CAMK1D: variants seen among roughly 807,000 people sequenced by gnomAD.
CAMK1D encodes calcium/calmodulin dependent protein kinase ID, also known as calcium/calmodulin-dependent protein kinase type 1D.
Under a neutral mutation model 47.7 loss-of-function variants are expected in CAMK1D, and 9 were observed. That is an observed-to-expected ratio of 0.19 (90% CI 0.11 to 0.33). The LOEUF (loss-of-function observed/expected upper bound fraction) is 0.33. Among genes scored for constraint, CAMK1D ranks in the 10% least tolerant of loss-of-function variants. The probability of loss-of-function intolerance (pLI) is 1.00; values close to 1 mark genes in which losing one functional copy is unlikely to be tolerated. For missense variants in CAMK1D, 291 were observed against 488.7 expected (o/e 0.60, Z 3.81); for synonymous variants, 184 against 184.9 (o/e 0.99, Z 0.04).
intron 1 of CAMK1D, among the ~76,000 whole-genome samples, chr10:12,450,183 A>G (rs1451194197): frequency 6.6e-6 from 1 of 152,078 alleles, no homozygotes; most frequent in Non-Finnish European, 1.5e-5. Flanking sequence ...GAAGGAAGGA[A>G]GAAGGAAGTT....
At chr10:12,358,612 A>T (rs141412062) in intron 1 of CAMK1D, among the ~76,000 whole-genome samples, 2 of 152,268 alleles carry the variant, frequency 1.3e-5, no homozygotes, top group Admixed American at 1.3e-4. Context: ...TTGATAGGGT[A>T]TATTTGCTGA....
chr10:12,618,294 T>A (rs572724999), intron 2 of CAMK1D, among the ~76,000 whole-genome samples: 2 of 152,364 alleles, frequency 1.3e-5, no homozygotes, highest in East Asian at 3.9e-4. Flanking sequence ...ATGTTTGTAT[T>A]TTTAATTTAC....
At position 12,598,172 on chromosome 10, in the gene CAMK1D, G is replaced by A. The variant is rs568419424; in HGVS notation, c.224+44816G>A. On this transcript the variant is annotated intron_variant, in intron 2 of 10. Transcript: ENST00000619168. The stretch of plus-strand genomic sequence containing the variant: ...TGATTTTCAGTGTTGCCACGGGAAA[G>A]CAATAGCAGAACCTGGGTCCCTGCT... Among the ~76,000 whole-genome samples the A allele has an allele frequency of 3.9e-5, 6 of 152,346 alleles. No individual in the cohort carries two copies. The South Asian group carries it at 1.0e-3, about 26-fold the overall frequency.
At chr10:12,528,736 CTTTTT>C (rs34250007) in intron 1 of CAMK1D, among the ~76,000 whole-genome samples, 1 of 137,910 alleles carries the variant, frequency 7.3e-6, no homozygotes, top group African/African-American at 2.7e-5. Flanking sequence ...AAATCCTCAT[CTTTTT>C]TTTTTTTTTT....
chr10:12,732,662 T>A (rs1588860947), intron 3 of CAMK1D, among the ~76,000 whole-genome samples: 2 of 133,944 alleles, frequency 1.5e-5, no homozygotes, highest in East Asian at 2.6e-4. Flanking sequence ...CATTATTCAA[T>A]TACCCCCGCC....
At chr10:12,406,151 C>G (rs1051828831) in intron 1 of CAMK1D, among the ~76,000 whole-genome samples, 3 of 152,130 alleles carry the variant, frequency 2.0e-5, no homozygotes, top group Non-Finnish European at 4.4e-5. Flanking sequence ...ATTGGCACCA[C>G]AGCCAAGATG....
intron 2 of CAMK1D, among the ~76,000 whole-genome samples, chr10:12,617,567 C>T (rs1252311013): frequency 6.6e-6 from 1 of 152,118 alleles, no homozygotes; most frequent in Non-Finnish European, 1.5e-5. Flanking sequence ...TTCGGGGGAG[C>T]CGTTTCTTCT....
At position 12,408,851 on chromosome 10, in the gene CAMK1D, T is replaced by TC. The variant is rs199693593; in HGVS notation, c.92+58941_92+58942insC. 3.3e-4 allele frequency among the ~76,000 whole-genome samples: 33 copies of TC among 100,704 alleles called. No individual in the cohort carries two copies. In the South Asian group the frequency reaches 3.4e-3, roughly 10 times the overall value. 66.1% of individuals were successfully genotyped at this position (100,704 alleles called of 152,430 possible). Reference sequence around the variant, plus strand: ...TCGTTCATTTCTTTCTTTCTTTCTTTTTTTTTTTTTTTTTTGTTCTGAGTC... The same window carrying TC: ...TCGTTCATTTCTTTCTTTCTTTCTTTCTTTTTTTTTTTTTTTGTTCTGAGTC... On this transcript the variant is annotated intron_variant, in intron 1 of 10. Transcript: ENST00000619168.
intron 1 of CAMK1D, among the ~76,000 whole-genome samples, chr10:12,479,140 A>G (rs1207786438): frequency 6.6e-6 from 1 of 152,192 alleles, no homozygotes; most frequent in Non-Finnish European, 1.5e-5. Context: ...GGCCCTGCCC[A>G]CGGCGCTGCT....
chr10:12,543,981 T>G (rs1369500977), intron 1 of CAMK1D, among the ~76,000 whole-genome samples: 1 of 152,224 alleles, frequency 6.6e-6, no homozygotes, highest in African/African-American at 2.4e-5. Flanking sequence ...CTTTCATCAC[T>G]ATGGAAAATG....
intron 1 of CAMK1D, among the ~76,000 whole-genome samples, chr10:12,550,293 A>G (rs1475372574): frequency 6.6e-6 from 1 of 152,268 alleles, no homozygotes; most frequent in Non-Finnish European, 1.5e-5. Context: ...TTTATCTGGT[A>G]TAAAACCACC....
Position 12,646,034 on chromosome 10 carries a change from T to G in CAMK1D, c.225-20702T>G, listed in dbSNP as rs560565292. Among the ~76,000 whole-genome samples the G allele has an allele frequency of 2.6e-5, 4 of 151,914 alleles. 1 individual carries two copies. The East Asian group carries it at 7.8e-4, about 30-fold the overall frequency. On this transcript the variant is annotated intron_variant, in intron 2 of 10. Coordinates refer to ENST00000619168, the MANE Select transcript of CAMK1D (RefSeq NM_153498.4). ...AGTATTTCTGTTTAGAATCTTCCAC[T>G]GAACAGAAAATAAATTGCTATGGGA... is the stretch of plus-strand genomic sequence containing the variant.
chr10:12,586,222 T>C (rs1837812943), intron 2 of CAMK1D, among the ~76,000 whole-genome samples: 1 of 152,078 alleles, frequency 6.6e-6, no homozygotes, highest in African/African-American at 2.4e-5. Context: ...TTCTATTCTG[T>C]TTCTTAGTAA....
chr10:12,643,678 G>C (rs1014913651), intron 2 of CAMK1D, among the ~76,000 whole-genome samples: 1 of 152,078 alleles, frequency 6.6e-6, no homozygotes, highest in Non-Finnish European at 1.5e-5. Context: ...GAGGTCAGGA[G>C]TTCAAGGCCA....
At chr10:12,752,018 G>C (rs1274229058) in intron 3 of CAMK1D, among the ~76,000 whole-genome samples, 1 of 147,666 alleles carries the variant, frequency 6.8e-6, no homozygotes, top group Non-Finnish European at 1.5e-5. Context: ...GTCTTGCTCT[G>C]TCACCCGGGC....
intron 2 of CAMK1D, among the ~76,000 whole-genome samples, chr10:12,647,650 T>C (rs968230244): frequency 3.3e-5 from 5 of 152,178 alleles, no homozygotes; most frequent in Non-Finnish European, 7.3e-5. Flanking sequence ...TTCTTAGACC[T>C]GGGTAAGAGG....
intron 3 of CAMK1D, among the ~76,000 whole-genome samples, chr10:12,695,378 G>A (rs1218481392): frequency 6.6e-6 from 1 of 152,070 alleles, no homozygotes; most frequent in African/African-American, 2.4e-5. Context: ...AAAGAGCCAT[G>A]TCCTGCCTCC....
chr10:12,390,385 A>G (rs906634022), intron 1 of CAMK1D, among the ~76,000 whole-genome samples: 4 of 152,160 alleles, frequency 2.6e-5, no homozygotes, highest in Non-Finnish European at 5.9e-5. Flanking sequence ...TTTCTGTTTT[A>G]TTCAGAATGG....
chr10:12,371,298 C>T (rs996752027), intron 1 of CAMK1D, among the ~76,000 whole-genome samples: 8 of 151,940 alleles, frequency 5.3e-5, no homozygotes, highest in African/African-American at 9.7e-5. Flanking sequence ...TTTTTGAGGC[C>T]GGGCACGGTG....
Sources: gnomAD v4.1 joint callset for allele counts (sites outside exome capture counted in the v4.1 genomes callset) on GRCh38, gnomAD v4.1.1 for gene constraint, MANE v1.5 for transcripts, NCBI Gene and HGNC (gene_info 2026-07-23, HGNC 2026-07-21) for gene names.